The following PPFIA2 variants were observed in gnomAD, a reference collection of about 807,000 sequenced individuals.
PPFIA2 encodes the protein liprin-alpha-2.
Under a neutral mutation model 175.5 loss-of-function variants are expected in PPFIA2, and 46 were observed. The ratio of observed to expected loss-of-function variants is 0.26; its 90% CI spans 0.21 to 0.34. PPFIA2 has a LOEUF of 0.34. Ranked by LOEUF, PPFIA2 falls within the 10% of genes least tolerant of loss-of-function variation. The probability of loss-of-function intolerance (pLI) is 1.00; values close to 1 mark genes in which losing one functional copy is unlikely to be tolerated. For synonymous variants in PPFIA2, 568 were observed against 511.4 expected (o/e 1.11, Z -1.49); for missense variants, 1,179 against 1,506.1 (o/e 0.78, Z 3.60).
chr12:81,756,420 C>A (rs1217571669), intron 2 of PPFIA2, among the ~76,000 whole-genome samples: 1 of 152,036 alleles, frequency 6.6e-6, no homozygotes, highest in Non-Finnish European at 1.5e-5. Context: ...TCCTAACAAT[C>A]CCTCATTGTT....
chr12:81,478,231 T>C (rs2057734826), intron 4 of PPFIA2, among the ~76,000 whole-genome samples: 1 of 152,214 alleles, frequency 6.6e-6, no homozygotes, highest in South Asian at 2.1e-4. Context: ...CGGTAGTTTG[T>C]ATTTCTGTGG....
chr12:81,727,794 T>G (rs2080289921), intron 3 of PPFIA2, among the ~76,000 whole-genome samples: 1 of 151,434 alleles, frequency 6.6e-6, no homozygotes, highest in African/African-American at 2.4e-5. Context: ...ATATAATACA[T>G]TTTGAGAAAA....
intron 4 of PPFIA2, among the ~76,000 whole-genome samples, chr12:81,665,947 G>A (rs28718070): frequency 8.7e-4 from 132 of 152,136 alleles, no homozygotes; most frequent in South Asian, 1.2e-3. Flanking sequence ...ACAAGTGGGC[G>A]AAGGATATGA....
intron 7 of PPFIA2, among the ~76,000 whole-genome samples, chr12:81,438,898 G>A (rs2049602474): frequency 6.6e-6 from 1 of 151,934 alleles, no homozygotes; most frequent in Non-Finnish European, 1.5e-5. Flanking sequence ...CTAGATCTAT[G>A]GAACACTAGG....
intron 24 of PPFIA2, among the ~76,000 whole-genome samples, chr12:81,285,635 C>A (rs1446648504): frequency 6.6e-6 from 1 of 152,098 alleles, no homozygotes; most frequent in South Asian, 2.1e-4. Flanking sequence ...ATATCAGAGC[C>A]ATTATACCAT....
intron 4 of PPFIA2, among the ~76,000 whole-genome samples, chr12:81,504,157 T>C (rs2060888265): frequency 6.6e-6 from 1 of 152,134 alleles, no homozygotes; most frequent in South Asian, 2.1e-4. Context: ...AAAATTCTCT[T>C]CCTCATAAAT....
At chr12:81,749,052 A>C (rs2153662237) in intron 3 of PPFIA2, among the ~76,000 whole-genome samples, 1 of 144,616 alleles carries the variant, frequency 6.9e-6, no homozygotes, top group African/African-American at 2.4e-5. Flanking sequence ...TGTACAAAGT[A>C]GGGACCCTAA....
Position 81,448,131 on chromosome 12 carries a change from G to A in PPFIA2, c.406-2411C>T, listed in dbSNP as rs188371434. 2.3e-3 allele frequency among the ~76,000 whole-genome samples: 354 copies of A among 152,132 alleles called. 1 individual carries two copies. Among genetic ancestry groups the A allele is most frequent in the Non-Finnish European group, 3.4e-3 (229 of 67,998 alleles). ...ATAAAATATCCACCCTCTAGGAAAA[G>A]AAACACAATAATGATGCTATAAAGG... On this transcript the variant is annotated intron_variant, in intron 5 of 32. Transcript: ENST00000549396.
At chr12:81,630,899 ATTTTTT>A (rs56990168) in intron 4 of PPFIA2, among the ~76,000 whole-genome samples, 1 of 106,478 alleles carries the variant, frequency 9.4e-6, no homozygotes, top group South Asian at 2.8e-4. Flanking sequence ...ATATATATAT[ATTTTTT>A]TTTTTTTTCC....
intron 14 of PPFIA2, among the ~76,000 whole-genome samples, chr12:81,366,498 C>T (rs1330100397): frequency 2.0e-5 from 3 of 151,622 alleles, no homozygotes; most frequent in Non-Finnish European, 4.4e-5. Flanking sequence ...GTCCCTCCTT[C>T]CTGAAGTCTT....
At chr12:81,441,733 C>T (rs144293547) in intron 6 of PPFIA2, among the ~76,000 whole-genome samples, 2,433 of 152,118 alleles carry the variant, frequency 0.016, 38 homozygotes, top group South Asian at 0.03. Flanking sequence ...TTTCAACAGA[C>T]GTGTGATGTT....
At chr12:81,386,062 G>T (rs2038869193) in intron 8 of PPFIA2, among the ~76,000 whole-genome samples, 1 of 151,662 alleles carries the variant, frequency 6.6e-6, no homozygotes, top group Non-Finnish European at 1.5e-5. Context: ...ACTGCTTGAG[G>T]CGATGAATTT....
intron 4 of PPFIA2, among the ~76,000 whole-genome samples, chr12:81,622,792 C>T (rs937943195): frequency 4.6e-5 from 7 of 152,150 alleles, no homozygotes; most frequent in African/African-American, 1.7e-4. Flanking sequence ...TCTGCCCCTA[C>T]CCCTCAGATT....
At chr12:81,301,933 A>G (rs2047952077) in intron 22 of PPFIA2, among the ~76,000 whole-genome samples, 1 of 152,120 alleles carries the variant, frequency 6.6e-6, no homozygotes, top group African/African-American at 2.4e-5. Flanking sequence ...CTAACATAGT[A>G]TATTATTTAC....
intron 4 of PPFIA2, among the ~76,000 whole-genome samples, chr12:81,577,826 T>C (rs1453544238): frequency 3.3e-5 from 5 of 151,780 alleles, no homozygotes; most frequent in East Asian, 1.9e-4. Context: ...CAGTTAACTA[T>C]TGTTTTATAA....
chr12:81,584,083 T>C (rs1416411859), intron 4 of PPFIA2, among the ~76,000 whole-genome samples: 1 of 151,920 alleles, frequency 6.6e-6, no homozygotes, highest in Admixed American at 6.6e-5. Flanking sequence ...TGTTTTAACC[T>C]CTTATGCTTT....
intron 3 of PPFIA2, among the ~76,000 whole-genome samples, chr12:81,738,899 C>A (rs1044906878): frequency 6.6e-6 from 1 of 151,622 alleles, no homozygotes; most frequent in Non-Finnish European, 1.5e-5. Flanking sequence ...GCACACAATG[C>A]AAACATTAAC....
chr12:81,705,470 A>AAAAAG (rs945782867), intron 3 of PPFIA2, among the ~76,000 whole-genome samples: 4 of 150,428 alleles, frequency 2.7e-5, no homozygotes, highest in African/African-American at 4.9e-5. Context: ...AAAAAAAAAA[A>AAAAAG]AAAAGAAAAG....
At chr12:81,371,857 T>C (rs2035192162) in intron 11 of PPFIA2, among the ~76,000 whole-genome samples, 1 of 151,458 alleles carries the variant, frequency 6.6e-6, no homozygotes, top group Non-Finnish European at 1.5e-5. Context: ...TAATCAATCA[T>C]TCTGACTTTC....
Sources: allele counts gnomAD v4.1 joint callset (sites outside exome capture counted in the v4.1 genomes callset), GRCh38; gene constraint gnomAD v4.1.1; transcripts MANE v1.5; gene names NCBI Gene and HGNC (gene_info 2026-07-23, HGNC 2026-07-21).